The following MACROD2 variants were observed in gnomAD, a reference collection of about 807,000 sequenced individuals.
MACROD2 encodes the protein ADP-ribose glycohydrolase MACROD2.
In MACROD2, 36 loss-of-function variants were observed where a neutral mutation model predicts 70.4. The ratio of observed to expected loss-of-function variants is 0.51; its 90% confidence interval spans 0.39 to 0.68. MACROD2 has a LOEUF of 0.68. Among genes scored for constraint, MACROD2 ranks in the 30% least tolerant of loss-of-function variants. The pLI is 0.00. For synonymous variants in MACROD2, 172 were observed against 178.8 expected (o/e 0.96, Z 0.30); for missense variants, 496 against 538.4 (o/e 0.92, Z 0.78).
intron 8 of MACROD2, among the ~76,000 whole-genome samples, chr20:15,657,426 G>A (rs554897058): frequency 6.6e-6 from 1 of 152,178 alleles, no homozygotes; most frequent in Non-Finnish European, 1.5e-5. Context: ...TCCAGTGGCT[G>A]GTTTTCATGA....
At chr20:14,941,049 T>C (rs1006210520) in intron 5 of MACROD2, among the ~76,000 whole-genome samples, 1 of 152,194 alleles carries the variant, frequency 6.6e-6, no homozygotes, top group African/African-American at 2.4e-5. Flanking sequence ...GAGATTTTTA[T>C]TACAGCTTCA....
chr20:14,167,367 TATA>T (rs2055281856), intron 3 of MACROD2, among the ~76,000 whole-genome samples: 1 of 152,098 alleles, frequency 6.6e-6, no homozygotes, highest in Admixed American at 6.6e-5. Flanking sequence ...AGAGACTATA[TATA>T]ATATCTTTAA....
At chr20:15,620,718 G>A (rs1440298599) in intron 8 of MACROD2, among the ~76,000 whole-genome samples, 1 of 152,072 alleles carries the variant, frequency 6.6e-6, no homozygotes, top group African/African-American at 2.4e-5. Context: ...CTTCTCAGAG[G>A]TTCCCCTGTC....
At chr20:15,367,410 G>T (rs982993356) in intron 6 of MACROD2, among the ~76,000 whole-genome samples, 2 of 152,054 alleles carry the variant, frequency 1.3e-5, no homozygotes, top group African/African-American at 4.8e-5. Flanking sequence ...TCTCTTGGGA[G>T]AATCAAAGCA....
intron 8 of MACROD2, among the ~76,000 whole-genome samples, chr20:15,589,739 C>T (rs1196466143): frequency 2.0e-5 from 3 of 152,170 alleles, no homozygotes; most frequent in Non-Finnish European, 2.9e-5. Flanking sequence ...CATAGTTTTG[C>T]CTTTTCCAGA....
At chr20:14,455,373 C>T (rs2084289850) in intron 3 of MACROD2, among the ~76,000 whole-genome samples, 1 of 151,786 alleles carries the variant, frequency 6.6e-6, no homozygotes, top group African/African-American at 2.4e-5. Context: ...AGCAGGAGAT[C>T]CTGAAACCTA....
chr20:15,354,735 GTT>G (rs2078267160), intron 6 of MACROD2, among the ~76,000 whole-genome samples: 1 of 152,110 alleles, frequency 6.6e-6, no homozygotes, highest in Non-Finnish European at 1.5e-5. Context: ...AGAGGAATAA[GTT>G]ACTTTCACTG....
chr20:14,117,893 A>G (rs1263735883), intron 3 of MACROD2, among the ~76,000 whole-genome samples: 1 of 152,216 alleles, frequency 6.6e-6, no homozygotes, highest in Non-Finnish European at 1.5e-5. Context: ...GGCCCTGAGT[A>G]ATCCCTGGGG....
chr20:15,517,132 G>C (rs1568862252), intron 8 of MACROD2, among the ~76,000 whole-genome samples: 1 of 151,936 alleles, frequency 6.6e-6, no homozygotes, highest in East Asian at 1.9e-4. Context: ...CTCAACTACT[G>C]AAGAGGTCCA....
At chr20:14,077,471 A>G (rs1017932455) in intron 2 of MACROD2, among the ~76,000 whole-genome samples, 11 of 152,184 alleles carry the variant, frequency 7.2e-5, no homozygotes, top group Admixed American at 2.0e-4. Context: ...GTAAAAGTGT[A>G]TTGGTCGTTA....
chr20:14,704,808 G>T (rs543529057), intron 5 of MACROD2, among the ~76,000 whole-genome samples: 1 of 152,080 alleles, frequency 6.6e-6, no homozygotes, highest in Non-Finnish European at 1.5e-5. Flanking sequence ...GATTATATGC[G>T]TGTTCTTTTT....
At chr20:14,308,594 G>T (rs2082539968) in intron 3 of MACROD2, among the ~76,000 whole-genome samples, 1 of 152,128 alleles carries the variant, frequency 6.6e-6, no homozygotes, top group Non-Finnish European at 1.5e-5. Flanking sequence ...AAAGGAAAAT[G>T]ACTGAACCCA....
At chr20:14,150,222 C>T (rs777882154) in intron 3 of MACROD2, among the ~76,000 whole-genome samples, 2 of 151,972 alleles carry the variant, frequency 1.3e-5, no homozygotes, top group African/African-American at 4.8e-5. Context: ...AAACTGAGGT[C>T]GGAGATGGTT....
At position 14,913,539 on chromosome 20, in the gene MACROD2, T is replaced by C. The variant is rs186424253; in HGVS notation, c.418+228580T>C. 5.9e-4 allele frequency among the ~76,000 whole-genome samples: 89 copies of C among 152,136 alleles called. No homozygotes were observed. In the East Asian group the frequency reaches 0.016, roughly 27 times the overall value. On this transcript the variant is annotated intron_variant, in intron 5 of 17. Coordinates refer to ENST00000684519, the MANE Select transcript of MACROD2 (RefSeq NM_001351661.2). ...CCGTCTCAACAAAAAATTAAAAAAT[T>C]AGCCAGGTGTGGTGACACATGCCTG...
At chr20:15,473,536 C>A (rs67707818) in intron 7 of MACROD2, among the ~76,000 whole-genome samples, 11,605 of 152,184 alleles carry the variant, frequency 0.076, 1,026 homozygotes, top group East Asian at 0.47. Flanking sequence ...ACAATAGAAA[C>A]CAGCATTCTA....
chr20:14,482,094 C>T (rs2084670007), intron 3 of MACROD2, among the ~76,000 whole-genome samples: 1 of 152,178 alleles, frequency 6.6e-6, no homozygotes, highest in Admixed American at 6.5e-5. Flanking sequence ...CTGGTCACGT[C>T]ATGAGTTAGA....
At chr20:15,808,346 C>T (rs967608419) in intron 8 of MACROD2, among the ~76,000 whole-genome samples, 5 of 152,156 alleles carry the variant, frequency 3.3e-5, no homozygotes, top group African/African-American at 4.8e-5. Flanking sequence ...CTTTAATTCA[C>T]CTAACAACAT....
At chr20:15,170,740 C>A (rs1174619400) in intron 5 of MACROD2, among the ~76,000 whole-genome samples, 2 of 152,186 alleles carry the variant, frequency 1.3e-5, no homozygotes, top group African/African-American at 4.8e-5. Context: ...ACAGTACAAG[C>A]CCCAAAGAAC....
intron 8 of MACROD2, among the ~76,000 whole-genome samples, chr20:15,769,066 G>A (rs1451233338): frequency 6.6e-6 from 1 of 152,192 alleles, no homozygotes; most frequent in Non-Finnish European, 1.5e-5. Flanking sequence ...ATTAGTACAG[G>A]AGTACACTTT....
Sources: allele counts gnomAD v4.1 joint callset (sites outside exome capture counted in the v4.1 genomes callset), GRCh38; gene constraint gnomAD v4.1.1; transcripts MANE v1.5; gene names NCBI Gene and HGNC (gene_info 2026-07-23, HGNC 2026-07-21).